The following URB1 variants were observed in gnomAD, a reference collection of about 807,000 sequenced individuals.
The protein encoded by URB1 is nucleolar pre-ribosomal-associated protein 1.
Under a neutral mutation model 242.3 loss-of-function variants are expected in URB1, and 197 were observed. The ratio of observed to expected loss-of-function variants is 0.81; its 90% CI spans 0.72 to 0.91. The LOEUF (loss-of-function observed/expected upper bound fraction) is 0.91, where lower values mean the gene tolerates loss of function less well. URB1 is among the 40% of genes least tolerant of loss of function. URB1 has a pLI of 0.00. For missense variants in URB1, 2,721 were observed against 2,860.5 expected (o/e 0.95, Z 1.11); for synonymous variants, 1,153 against 1,201.8 (o/e 0.96, Z 0.84).
intron 31 of URB1, 52 bp from the exon 32 acceptor site, chr21:32,324,654 T>C: frequency 7.2e-7 from 1 of 1,381,962 alleles, no homozygotes; most frequent in East Asian, 2.5e-5. Context: ...TTCAGAGCTA[T>C]GGTCAGTCCT....
At chr21:32,374,309 G>A (rs767324332) in intron 6 of URB1, among the ~76,000 whole-genome samples, 28 of 152,154 alleles carry the variant, frequency 1.8e-4, no homozygotes, top group Non-Finnish European at 4.1e-4. Flanking sequence ...GTAGAATTGT[G>A]GCACAAATTC....
rs765099629 is a variant in URB1 at position 32,368,392 on chromosome 21, T to C, written c.1197+11A>G. On this transcript the variant is annotated intron_variant, in intron 9 of 38. Transcript: ENST00000382751. Reference sequence around the variant, plus strand: ...TTAGCTAACAGACTTTTAAATATCATGTTTTTTTACCTTGTTTAGTAGTTT... The same window carrying C: ...TTAGCTAACAGACTTTTAAATATCACGTTTTTTTACCTTGTTTAGTAGTTT... 6.6e-7 allele frequency: 1 copy of C among 1,522,676 alleles called. No homozygotes were observed. Among genetic ancestry groups the C allele is most frequent in the Non-Finnish European group, 8.8e-7 (1 of 1,133,736 alleles). The allele number at this position is 1,522,676 out of a possible 1,614,324, so 94.3% of individuals were successfully genotyped here.
At chr21:32,354,164 T>C in intron 17 of URB1, 61 bp from the exon 18 acceptor site, 1 of 1,528,782 alleles carries the variant, frequency 6.5e-7, no homozygotes, top group South Asian at 1.2e-5. Flanking sequence ...TCACTGCAAA[T>C]ACCCACAGGG....
chr21:32,347,170 C>T lies in URB1; in HGVS notation c.3654G>A (p.Leu1218=), dbSNP rs1476398186. The T allele has an allele frequency of 1.9e-6, 3 of 1,548,888 alleles. No homozygotes were observed. Among genetic ancestry groups the T allele is most frequent in the Non-Finnish European group, 2.6e-6 (3 of 1,146,176 alleles). The change falls in exon 22 of 39, where the codon CTG becomes CTA. Residue 1218 remains leucine, a synonymous_variant. Coordinates refer to ENST00000382751, the MANE Select transcript of URB1 (RefSeq NM_014825.3). ...TGCGCCGGGCCAGGCAGTAGTCAAG[C>T]AGATCAGCCCCGACTGCGGGGGCCA... ...PVLAPAVGAD[L]LDYCLARRTQ...
chr21:32,392,095 C>G (rs2033645454), intron 1 of URB1, among the ~76,000 whole-genome samples: 1 of 151,996 alleles, frequency 6.6e-6, no homozygotes, highest in Non-Finnish European at 1.5e-5. Context: ...GTTTATTTAA[C>G]CTGGGAGAAA....
intron 14 of URB1, among the ~76,000 whole-genome samples, chr21:32,358,820 C>A (rs916681829): frequency 1.3e-5 from 2 of 152,162 alleles, no homozygotes; most frequent in African/African-American, 2.4e-5. Flanking sequence ...GCAAGCAGAG[C>A]TCTAGGCAGC....
At chr21:32,368,148 A>T (rs1013370356) in intron 9 of URB1, among the ~76,000 whole-genome samples, 45 of 151,936 alleles carry the variant, frequency 3.0e-4, no homozygotes, top group African/African-American at 1.1e-3. Flanking sequence ...GCTCACTGCA[A>T]CCTCCGCCTC....
intron 20 of URB1, among the ~76,000 whole-genome samples, 187 bp from the exon 21 acceptor site, chr21:32,349,670 T>C (rs1226440392): frequency 6.6e-6 from 1 of 152,248 alleles, no homozygotes; most frequent in East Asian, 1.9e-4. Flanking sequence ...TGTGTCTTCC[T>C]AAGCCTTGGT....
chr21:32,363,408 GC>G, intron 10 of URB1, 79 bp from the exon 11 acceptor site: 2 of 1,477,960 alleles, frequency 1.4e-6, no homozygotes, highest in Admixed American at 2.1e-5. Context: ...GCTGGCATTT[GC>G]CCCTCCTCAG....
chr21:32,356,185 A>G (rs1285879601), intron 15 of URB1, among the ~76,000 whole-genome samples: 4 of 152,210 alleles, frequency 2.6e-5, no homozygotes, highest in African/African-American at 9.6e-5. Flanking sequence ...GCTTGAGATC[A>G]GCGGAGGCAA....
chr21:32,374,606 T>A (rs1377046801), intron 6 of URB1, among the ~76,000 whole-genome samples: 1 of 152,192 alleles, frequency 6.6e-6, no homozygotes, highest in African/African-American at 2.4e-5. Flanking sequence ...GGCAAAAAAA[T>A]CTGTATGTCA....
chr21:32,328,091 C>T (rs1022252070), intron 30 of URB1, among the ~76,000 whole-genome samples: 3 of 152,238 alleles, frequency 2.0e-5, no homozygotes, highest in Non-Finnish European at 4.4e-5. Context: ...AGAGCATAGT[C>T]AGATGACTCT....
Position 32,320,681 on chromosome 21 carries a change from C to A in URB1, c.5485-41G>T, listed in dbSNP as rs1344678034. Reference sequence around the variant, plus strand: ...AAGAAGTTACTCTTCAGTGAGAAAACCCACTTTACTTGATTAAAGAAACCG... The same window carrying A: ...AAGAAGTTACTCTTCAGTGAGAAAAACCACTTTACTTGATTAAAGAAACCG... On this transcript the variant is annotated intron_variant, in intron 34 of 38. Transcript: ENST00000382751. 4 of 1,398,642 alleles carry A rather than the reference C, an allele frequency of 2.9e-6. No homozygotes were observed. In the East Asian group the frequency reaches 7.5e-5, roughly 26 times the overall value. The allele number at this position is 1,398,642 out of a possible 1,614,324, so 86.6% of individuals were successfully genotyped here.
intron 10 of URB1, among the ~76,000 whole-genome samples, chr21:32,365,051 T>C (rs1364620711): frequency 6.6e-6 from 1 of 152,202 alleles, no homozygotes; most frequent in Admixed American, 6.5e-5. Flanking sequence ...GGCACAACCC[T>C]TTGTCCTGAA....
Position 32,385,570 on chromosome 21 carries a change from C to A in URB1, c.257G>T (p.Ser86Ile). 2 of 1,552,138 alleles carry A rather than the reference C, an allele frequency of 1.3e-6. No homozygotes were observed. The highest frequency in any genetic ancestry group is 2.4e-5 in the South Asian group (2 of 84,046). The part of the protein sequence containing the change: ...VECVEIFQLL[S>I]GEKRPESETM... ...TTCACTTTCAGGTCGTTTCTCTCCA[C>A]TTAGGAGCTGGAAAATTTCGACACA... The change falls in exon 2 of 39, where the codon AGT becomes ATT. Residue 86 changes from serine to isoleucine, a missense_variant. Transcript: ENST00000382751.
intron 4 of URB1, among the ~76,000 whole-genome samples, chr21:32,379,955 G>T (rs545496420): frequency 6.6e-6 from 1 of 151,744 alleles, no homozygotes; most frequent in Non-Finnish European, 1.5e-5. Flanking sequence ...CTCCAACCTG[G>T]GCGACAGAGC....
chr21:32,329,514 T>C (rs909480181), intron 30 of URB1, among the ~76,000 whole-genome samples: 2 of 152,228 alleles, frequency 1.3e-5, no homozygotes, highest in African/African-American at 4.8e-5. Context: ...TTATGAGCTG[T>C]AGATTTCAGC....
chr21:32,371,453 T>C (rs573205520), intron 8 of URB1, among the ~76,000 whole-genome samples: 5 of 152,308 alleles, frequency 3.3e-5, no homozygotes, highest in South Asian at 4.1e-4. Context: ...TATTCGACTA[T>C]AAAAGTCTGC....
At position 32,311,905 on chromosome 21, in the gene URB1, T is replaced by A; in HGVS notation, c.*3013A>T. 6.2e-7 allele frequency: 1 copy of A among 1,613,856 alleles called. No individual in the cohort carries two copies. The highest frequency in any genetic ancestry group is 8.5e-7 in the Non-Finnish European group (1 of 1,180,018). On this transcript the variant is annotated 3_prime_UTR_variant, in exon 39 of 39. Transcript: ENST00000382751. ...GGTTTCCAGACCCACCCCACTCTCC[T>A]CTGGGAACTGACCCTCAATGGGGGT...
Sources: allele counts gnomAD v4.1 joint callset (sites outside exome capture counted in the v4.1 genomes callset), GRCh38; gene constraint gnomAD v4.1.1; transcripts MANE v1.5; gene names NCBI Gene and HGNC (gene_info 2026-07-23, HGNC 2026-07-21).